The following ADGRB3 variants were observed in gnomAD, a reference collection of about 807,000 sequenced individuals.
The protein encoded by ADGRB3 is brain-specific angiogenesis inhibitor 3.
Under a neutral mutation model 193.4 loss-of-function variants are expected in ADGRB3, and 37 were observed. That is an observed-to-expected ratio of 0.19 (90% CI 0.15 to 0.25). The LOEUF is 0.25. ADGRB3 is among the 10% of genes least tolerant of loss of function. ADGRB3 has a pLI of 1.00. For missense variants in ADGRB3, 1,637 were observed against 1,852.9 expected (o/e 0.88, Z 2.14); for synonymous variants, 690 against 644.2 (o/e 1.07, Z -1.08).
At chr6:68,938,618 A>G (rs1582330805) in intron 5 of ADGRB3, among the ~76,000 whole-genome samples, 1 of 152,126 alleles carries the variant, frequency 6.6e-6, no homozygotes, top group Non-Finnish European at 1.5e-5. Flanking sequence ...CATGCGGTAT[A>G]ATAGATCTCT....
At chr6:69,208,015 G>A (rs7762528) in intron 17 of ADGRB3, among the ~76,000 whole-genome samples, 1 of 152,142 alleles carries the variant, frequency 6.6e-6, no homozygotes, top group Non-Finnish European at 1.5e-5. Flanking sequence ...ATGCCATATC[G>A]AGGGCTCGGC....
At chr6:68,718,972 A>G (rs891150203) in intron 3 of ADGRB3, among the ~76,000 whole-genome samples, 1 of 151,746 alleles carries the variant, frequency 6.6e-6, no homozygotes, top group African/African-American at 2.4e-5. Context: ...AATATTTACC[A>G]TCTGGTTCTT....
rs755065398 is a variant in ADGRB3 at position 68,944,025 on chromosome 6, C to T, written c.1195+31C>T. On this transcript the variant is annotated intron_variant, in intron 6 of 31. Transcript: ENST00000370598. Reference sequence around the variant, plus strand: ...CCTATTCTGCATTTGGTTATGTTTGCATTATGTGCTTTTTATATGATTCCT... The same window carrying T: ...CCTATTCTGCATTTGGTTATGTTTGTATTATGTGCTTTTTATATGATTCCT... The T allele has an allele frequency of 2.5e-6, 4 of 1,569,626 alleles. No homozygotes were observed. In the South Asian group the frequency reaches 4.7e-5, roughly 18 times the overall value.
chr6:69,145,065 C>G (rs937386363), intron 17 of ADGRB3, among the ~76,000 whole-genome samples: 4 of 152,186 alleles, frequency 2.6e-5, no homozygotes, highest in Non-Finnish European at 5.9e-5. Context: ...TTGGGTGTCA[C>G]TTCATTAGCC....
chr6:69,233,523 G>T, intron 18 of ADGRB3, 107 bp downstream of exon 18: 1 of 1,405,768 alleles, frequency 7.1e-7, no homozygotes, highest in Non-Finnish European at 9.3e-7. Context: ...AATGTTGCAG[G>T]GTACAAAATT....
At chr6:69,183,936 GA>G (rs1765008288) in intron 17 of ADGRB3, among the ~76,000 whole-genome samples, 1 of 152,002 alleles carries the variant, frequency 6.6e-6, no homozygotes, top group Non-Finnish European at 1.5e-5. Context: ...TATTATTATG[GA>G]AAGTTAACTA....
chr6:69,122,496 G>GGGGAGA (rs1773739602), intron 17 of ADGRB3, among the ~76,000 whole-genome samples: 1 of 97,960 alleles, frequency 1.0e-5, no homozygotes, highest in Non-Finnish European at 2.3e-5. Context: ...GGAGGGGGAG[G>GGGGAGA]GGGAGAGGGA....
intron 3 of ADGRB3, among the ~76,000 whole-genome samples, chr6:68,774,444 C>A (rs982596197): frequency 3.5e-5 from 5 of 142,702 alleles, no homozygotes; most frequent in Middle Eastern, 3.8e-3. Context: ...TAATGGTCTT[C>A]TTGGAGTTGT....
At chr6:69,337,558 A>G (rs1768880602) in intron 24 of ADGRB3, among the ~76,000 whole-genome samples, 1 of 152,156 alleles carries the variant, frequency 6.6e-6, no homozygotes, top group Admixed American at 6.5e-5. Flanking sequence ...GCATTCCTAA[A>G]CTAAACTGGA....
chr6:69,121,065 G>A (rs9346263), intron 17 of ADGRB3, among the ~76,000 whole-genome samples: 44,569 of 149,092 alleles, frequency 0.3, 9,022 homozygotes, highest in East Asian at 0.94. Flanking sequence ...GGGGGATGTG[G>A]CAGGGTCATA....
chr6:69,314,298 C>T (rs1346061991), intron 20 of ADGRB3, among the ~76,000 whole-genome samples: 1 of 151,480 alleles, frequency 6.6e-6, no homozygotes, highest in Non-Finnish European at 1.5e-5. Flanking sequence ...AATAGTGATG[C>T]TTTATATGAA....
At chr6:68,706,487 T>G (rs1336038869) in intron 3 of ADGRB3, among the ~76,000 whole-genome samples, 1 of 152,154 alleles carries the variant, frequency 6.6e-6, no homozygotes, top group Admixed American at 6.5e-5. Flanking sequence ...TGCATCTGCA[T>G]GTTTGTGTTG....
chr6:69,368,817 T>C (rs1433274867), intron 29 of ADGRB3, among the ~76,000 whole-genome samples: 1 of 152,114 alleles, frequency 6.6e-6, no homozygotes, highest in Non-Finnish European at 1.5e-5. Flanking sequence ...TTTGACCAGA[T>C]GGAGCTCATC....
chr6:68,811,908 A>T (rs1178893360), intron 3 of ADGRB3, among the ~76,000 whole-genome samples: 1 of 152,238 alleles, frequency 6.6e-6, no homozygotes, highest in Non-Finnish European at 1.5e-5. Flanking sequence ...ATACATTTTT[A>T]AATATATGAA....
chr6:68,849,256 T>C (rs2127390290), intron 3 of ADGRB3, among the ~76,000 whole-genome samples: 1 of 152,076 alleles, frequency 6.6e-6, no homozygotes, highest in East Asian at 1.9e-4. Flanking sequence ...TATATATGTG[T>C]CTGCTTGAAG....
chr6:68,651,497 A>C (rs1437817289), intron 3 of ADGRB3, among the ~76,000 whole-genome samples: 1 of 152,190 alleles, frequency 6.6e-6, no homozygotes, highest in East Asian at 1.9e-4. Context: ...TTCTAGGTAT[A>C]ATAAATATTA....
intron 10 of ADGRB3, among the ~76,000 whole-genome samples, chr6:68,980,077 G>T (rs540283228): frequency 2.0e-5 from 3 of 151,458 alleles, no homozygotes; most frequent in Admixed American, 2.0e-4. Context: ...ATGGAGAAAG[G>T]CTAAAGATAC....
At position 69,043,706 on chromosome 6, in the gene ADGRB3, C is replaced by T. The variant is rs1771154622; in HGVS notation, c.2108-4479C>T. Among the ~76,000 whole-genome samples, 3 of 152,280 alleles carry T rather than the reference C, an allele frequency of 2.0e-5. 1 individual carries two copies. The South Asian group carries it at 6.2e-4, about 32-fold the overall frequency. The stretch of plus-strand genomic sequence containing the variant: ...TGATAGTAACATTTTTACTCTCCAA[C>T]AGCTCAGTGAGGTAGATAGATAATA... On this transcript the variant is annotated intron_variant, in intron 13 of 31. Coordinates refer to ENST00000370598, the MANE Select transcript of ADGRB3 (RefSeq NM_001704.3).
intron 3 of ADGRB3, among the ~76,000 whole-genome samples, chr6:68,831,969 A>G (rs1767965207): frequency 6.6e-6 from 1 of 152,186 alleles, no homozygotes. Flanking sequence ...TAATGATGGC[A>G]TTGTTAATAG....
Sources: allele counts gnomAD v4.1 joint callset (sites outside exome capture counted in the v4.1 genomes callset), GRCh38; gene constraint gnomAD v4.1.1; transcripts MANE v1.5; gene names NCBI Gene and HGNC (gene_info 2026-07-23, HGNC 2026-07-21).